PPP3CA: variants seen among roughly 807,000 people sequenced by gnomAD.
PPP3CA encodes the protein protein phosphatase 3 catalytic subunit alpha.
Under a neutral mutation model 66.5 loss-of-function variants are expected in PPP3CA, and 14 were observed. The ratio of observed to expected loss-of-function variants is 0.21; its 90% confidence interval spans 0.14 to 0.33. The LOEUF is 0.33. Ranked by LOEUF, PPP3CA falls within the 10% of genes least tolerant of loss-of-function variation. The pLI is 1.00. For synonymous variants in PPP3CA, 232 were observed against 226.2 expected, an observed-to-expected ratio of 1.03 and a Z score of -0.23; for missense variants, 317 against 639.5, an observed-to-expected ratio of 0.50 and a Z score of 5.44.
At chr4:101,257,821 A>C (rs868342066) in intron 1 of PPP3CA, among the ~76,000 whole-genome samples, 1 of 152,152 alleles carries the variant, frequency 6.6e-6, no homozygotes, top group African/African-American at 2.4e-5. Flanking sequence ...AACATTTTAC[A>C]TTTGTCTCTC....
At chr4:101,260,989 C>A (rs1057115537) in intron 1 of PPP3CA, among the ~76,000 whole-genome samples, 1 of 152,078 alleles carries the variant, frequency 6.6e-6, no homozygotes, top group Non-Finnish European at 1.5e-5. Flanking sequence ...ACAGAGAAAG[C>A]ACAAGCCAAT....
chr4:101,163,492 T>C (rs188157044), intron 2 of PPP3CA, among the ~76,000 whole-genome samples: 67 of 152,258 alleles, frequency 4.4e-4, no homozygotes, highest in Non-Finnish European at 5.3e-4. Context: ...GTCTCTGTAA[T>C]TGCTTGATGT....
chr4:101,308,335 T>C (rs755262092), intron 1 of PPP3CA, among the ~76,000 whole-genome samples: 3 of 152,234 alleles, frequency 2.0e-5, no homozygotes, highest in Admixed American at 6.5e-5. Flanking sequence ...GAGAAACTTC[T>C]CTATGAAAGA....
At chr4:101,249,284 C>CTTTTAGGAGCAG (rs1726596853) in intron 1 of PPP3CA, among the ~76,000 whole-genome samples, 4 of 152,012 alleles carry the variant, frequency 2.6e-5, no homozygotes, top group Admixed American at 6.5e-5. Flanking sequence ...CGTTATCCAC[C>CTTTTAGGAGCAG]TTAATATAGC....
intron 1 of PPP3CA, among the ~76,000 whole-genome samples, chr4:101,337,767 G>A (rs1420491492): frequency 1.1e-4 from 17 of 152,148 alleles, no homozygotes; most frequent in African/African-American, 3.9e-4. Context: ...CTGGGGTAGC[G>A]CAGCTTTAGC....
At chr4:101,318,010 T>C (rs1160225847) in intron 1 of PPP3CA, among the ~76,000 whole-genome samples, 1 of 152,216 alleles carries the variant, frequency 6.6e-6, no homozygotes, top group Non-Finnish European at 1.5e-5. Context: ...TCAACAAATA[T>C]TGTCTATTAT....
rs72004461 is a variant in PPP3CA at position 101,289,870 on chromosome 4, ATGTGTGTGTGTGTG to A, written c.58+56855_58+56868del. 1.1e-4 allele frequency among the ~76,000 whole-genome samples: 15 copies of A among 141,832 alleles called. 1 individual carries two copies. Among genetic ancestry groups the A allele is most frequent in the African/African-American group, 2.6e-4 (10 of 38,572 alleles). The allele number at this position is 141,832 out of a possible 152,430, so 93.0% of individuals were successfully genotyped here. A position where few individuals can be genotyped will look rare whatever the true frequency, so the allele number is the denominator to read the frequency against. On this transcript the variant is annotated intron_variant, in intron 1 of 13. Coordinates refer to ENST00000394854, the MANE Select transcript of PPP3CA (RefSeq NM_000944.5). Reference sequence around the variant, plus strand: ...CACTATAATCCCAAAATGTCCGTGTATGTGTGTGTGTGTGTGTGTGTGTGTGTGTGTGTGTGTGT... The same window carrying A: ...CACTATAATCCCAAAATGTCCGTGTATGTGTGTGTGTGTGTGTGTGTGTGT...
intron 2 of PPP3CA, among the ~76,000 whole-genome samples, chr4:101,143,931 T>C (rs188686406): frequency 5.6e-4 from 86 of 152,320 alleles, no homozygotes; most frequent in African/African-American, 2.0e-3. Context: ...ACACATCCTG[T>C]CTTGGATGAT....
At chr4:101,063,948 T>C (rs1441671466) in intron 8 of PPP3CA, among the ~76,000 whole-genome samples, 1 of 151,942 alleles carries the variant, frequency 6.6e-6, no homozygotes, top group Admixed American at 6.6e-5. Context: ...AAATACCATA[T>C]CAAACATTTA....
chr4:101,026,730 CTA>C (rs746346573), intron 13 of PPP3CA, among the ~76,000 whole-genome samples: 3 of 151,040 alleles, frequency 2.0e-5, no homozygotes, highest in Middle Eastern at 3.2e-3. Context: ...GTAAGAGAAA[CTA>C]AAAAAAAAAA....
intron 3 of PPP3CA, among the ~76,000 whole-genome samples, chr4:101,106,496 A>AG (rs1730757764): frequency 2.0e-5 from 1 of 51,230 alleles, no homozygotes; most frequent in African/African-American, 1.6e-4. Context: ...AAAAGAAAAG[A>AG]AAAGAAAGAA....
intron 11 of PPP3CA, among the ~76,000 whole-genome samples, chr4:101,035,519 G>C (rs1253032892): frequency 6.6e-6 from 1 of 152,156 alleles, no homozygotes; most frequent in East Asian, 1.9e-4. Flanking sequence ...TCATAAGACT[G>C]ATGTTGGGAC....
chr4:101,268,778 A>T (rs537477657), intron 1 of PPP3CA, among the ~76,000 whole-genome samples: 1 of 152,248 alleles, frequency 6.6e-6, no homozygotes, highest in East Asian at 1.9e-4. Context: ...CTGCGCACTC[A>T]AGATATCTTC....
At chr4:101,127,794 G>A (rs1722293911) in intron 2 of PPP3CA, among the ~76,000 whole-genome samples, 1 of 152,106 alleles carries the variant, frequency 6.6e-6, no homozygotes, top group African/African-American at 2.4e-5. Context: ...AATATGTCAA[G>A]CAATGTTTCT....
chr4:101,297,703 T>C (rs1728240898), intron 1 of PPP3CA, among the ~76,000 whole-genome samples: 1 of 152,094 alleles, frequency 6.6e-6, no homozygotes, highest in Non-Finnish European at 1.5e-5. Context: ...TTTCCCTACT[T>C]CCTTATGCAG....
chr4:101,172,844 T>TA (rs1232775435), intron 2 of PPP3CA, among the ~76,000 whole-genome samples: 1 of 152,212 alleles, frequency 6.6e-6, no homozygotes, highest in African/African-American at 2.4e-5. Flanking sequence ...CACTTAAATA[T>TA]ATTTTTTAAT....
intron 2 of PPP3CA, among the ~76,000 whole-genome samples, chr4:101,188,679 A>C (rs1194120253): frequency 3.3e-5 from 5 of 152,072 alleles, no homozygotes; most frequent in African/African-American, 1.2e-4. Flanking sequence ...GCTTTTCCCT[A>C]CCTCCTCAAC....
intron 1 of PPP3CA, among the ~76,000 whole-genome samples, chr4:101,318,717 G>T (rs1728952942): frequency 6.6e-6 from 1 of 152,062 alleles, no homozygotes; most frequent in South Asian, 2.1e-4. Flanking sequence ...AGAGATTCAG[G>T]TTTCATAGGT....
chr4:101,151,130 G>T (rs1321421872), intron 2 of PPP3CA, among the ~76,000 whole-genome samples: 1 of 152,148 alleles, frequency 6.6e-6, no homozygotes, highest in East Asian at 1.9e-4. Context: ...TTTATAAAGT[G>T]CTACTTCATC....
Sources: gnomAD v4.1 joint callset for allele counts (sites outside exome capture counted in the v4.1 genomes callset) on GRCh38, gnomAD v4.1.1 for gene constraint, MANE v1.5 for transcripts, NCBI Gene and HGNC (gene_info 2026-07-23, HGNC 2026-07-21) for gene names.